The following ABHD3 variants were observed in gnomAD, a reference collection of about 807,000 sequenced individuals.
ABHD3 encodes abhydrolase domain containing 3, phospholipase.
ABHD3 carries 46 observed loss-of-function variants against 48.8 expected under a neutral mutation model. The observed-to-expected ratio is 0.94, with a 90% CI of 0.74 to 1.20. The LOEUF (loss-of-function observed/expected upper bound fraction) is 1.20, where lower values mean the gene tolerates loss of function less well. Ranked by LOEUF, ABHD3 falls within the 50% of genes most tolerant of loss-of-function variation. ABHD3 has a pLI of 0.00. For missense variants in ABHD3, 490 were observed against 497.8 expected, an observed-to-expected ratio of 0.98 and a Z score of 0.15; for synonymous variants, 192 against 183.7, an observed-to-expected ratio of 1.04 and a Z score of -0.36.
At chr18:21,696,031 T>G (rs548469123) in intron 3 of ABHD3, among the ~76,000 whole-genome samples, 1 of 152,282 alleles carries the variant, frequency 6.6e-6, no homozygotes, top group South Asian at 2.1e-4. Context: ...CTCTCGGTTT[T>G]ATTTTTTTAA....
At chr18:21,663,745 G>C in intron 5 of ABHD3, 1 of 1,535,540 alleles carries the variant, frequency 6.5e-7, no homozygotes, top group Non-Finnish European at 8.7e-7. Context: ...TCTGTAACTG[G>C]AGTGATGAAA....
Position 21,674,243 on chromosome 18 carries a change from CT to C in ABHD3, c.555+9676del, listed in dbSNP as rs34344524. ...AAAACATTCTTTCTTTTATTTTGAACTTTTTTTTTTTTTTTTGAGCTAGGTT... is the reference window on the plus strand; with the variant it reads ...AAAACATTCTTTCTTTTATTTTGAACTTTTTTTTTTTTTTTGAGCTAGGTT... On this transcript the variant is annotated intron_variant, in intron 4 of 8. Transcript: ENST00000289119. Among the ~76,000 whole-genome samples, 684 of 141,406 alleles carry C rather than the reference CT, an allele frequency of 4.8e-3. 1 individual carries two copies. The highest frequency in any genetic ancestry group is 4.6e-3 in the Non-Finnish European group (294 of 64,364). 92.8% of individuals were successfully genotyped at this position (141,406 alleles called of 152,430 possible). A position where few individuals can be genotyped will look rare whatever the true frequency, so the allele number is the denominator to read the frequency against.
At chr18:21,674,201 C>T (rs949792945) in intron 4 of ABHD3, among the ~76,000 whole-genome samples, 16 of 151,452 alleles carry the variant, frequency 1.1e-4, no homozygotes, top group African/African-American at 3.9e-4. Context: ...ATTTCTAAAA[C>T]TCTTCCATTA....
chr18:21,657,497 C>T (rs944936371), intron 6 of ABHD3, among the ~76,000 whole-genome samples: 57 of 151,922 alleles, frequency 3.8e-4, no homozygotes, highest in African/African-American at 1.3e-3. Flanking sequence ...CACCACCACA[C>T]CCCACCAATT....
intron 3 of ABHD3, among the ~76,000 whole-genome samples, chr18:21,685,852 C>G (rs532151153): frequency 1.5e-3 from 231 of 152,338 alleles, no homozygotes; most frequent in Non-Finnish European, 2.9e-3. Flanking sequence ...CACGTGCCAC[C>G]ACGCCCGGCT....
At chr18:21,678,984 CTAAGTA>C (rs1568151631) in intron 4 of ABHD3, among the ~76,000 whole-genome samples, 1 of 152,190 alleles carries the variant, frequency 6.6e-6, no homozygotes, top group Non-Finnish European at 1.5e-5. Context: ...TCTATAAATT[CTAAGTA>C]TATCTCTAAC....
At chr18:21,684,164 T>A (rs189759458) in intron 3 of ABHD3, among the ~76,000 whole-genome samples, 199 bp from the exon 4 acceptor site, 15 of 152,218 alleles carry the variant, frequency 9.9e-5, no homozygotes, top group African/African-American at 2.9e-4. Context: ...CACATGTGGG[T>A]TCAAATTAGA....
At chr18:21,661,678 G>GC (rs2039501960) in intron 5 of ABHD3, 1 of 146,658 alleles carries the variant, frequency 6.8e-6, no homozygotes, top group Admixed American at 6.8e-5. Flanking sequence ...AAACTCCACT[G>GC]TTTTTTTTTT....
At chr18:21,657,208 T>C in intron 6 of ABHD3, 56 bp from the exon 7 acceptor site, 1 of 1,487,540 alleles carries the variant, frequency 6.7e-7, no homozygotes, top group Non-Finnish European at 9.0e-7. Context: ...TCCATCATAC[T>C]AAAAGGACTT....
In ABHD3 at chr18:21,693,961, C is replaced by A. The variant is rs2040309781; in HGVS notation, c.509+8355G>T. ...CTCTCCTCCCTCAGGAAGTCTGTAG[C>A]TAGACTCTCCACCCCTGTCCCCCAC... On this transcript the variant is annotated intron_variant, in intron 3 of 8. Coordinates refer to ENST00000289119, the MANE Select transcript of ABHD3 (RefSeq NM_138340.5). Among the ~76,000 whole-genome samples, 3 of 152,140 alleles carry A rather than the reference C, an allele frequency of 2.0e-5. No homozygotes were observed. The South Asian group carries it at 6.2e-4, about 32-fold the overall frequency.
chr18:21,655,778 C>T (rs912479324), intron 8 of ABHD3, among the ~76,000 whole-genome samples: 11 of 145,996 alleles, frequency 7.5e-5, no homozygotes, highest in African/African-American at 1.8e-4. Context: ...AGGCGTGAGC[C>T]GAGATCGTGT....
At chr18:21,663,389 GA>G (rs1401450924) in intron 5 of ABHD3, among the ~76,000 whole-genome samples, 2 of 151,274 alleles carry the variant, frequency 1.3e-5, no homozygotes, top group Admixed American at 1.3e-4. Context: ...ATGGCTTCAG[GA>G]ATCTAAAAGC....
At chr18:21,695,875 C>G (rs1219353553) in intron 3 of ABHD3, among the ~76,000 whole-genome samples, 1 of 152,040 alleles carries the variant, frequency 6.6e-6, no homozygotes, top group African/African-American at 2.4e-5. Context: ...ACTGTATGCT[C>G]TTTGGGAATA....
At chr18:21,668,229 A>G (rs1302424884) in intron 4 of ABHD3, among the ~76,000 whole-genome samples, 2 of 150,572 alleles carry the variant, frequency 1.3e-5, no homozygotes, top group African/African-American at 4.9e-5. Flanking sequence ...AAGAAAGAAA[A>G]AGAAAAGAAA....
At chr18:21,663,667 C>T in intron 5 of ABHD3, 1 of 1,535,166 alleles carries the variant, frequency 6.5e-7, no homozygotes, top group Non-Finnish European at 8.7e-7. Context: ...CAAAACAAAA[C>T]AAAATACCAC....
At chr18:21,660,728 G>T (rs1034246162) in intron 5 of ABHD3, among the ~76,000 whole-genome samples, 3 of 152,132 alleles carry the variant, frequency 2.0e-5, no homozygotes, top group African/African-American at 7.2e-5. Flanking sequence ...ATGGAAAGTG[G>T]ACATTTAGCT....
chr18:21,701,762 G>T (rs983385751), intron 3 of ABHD3: 13 of 152,274 alleles, frequency 8.5e-5, no homozygotes, highest in African/African-American at 2.9e-4. Flanking sequence ...CTTAATAATG[G>T]TTACTCAGAA....
At position 21,704,646 on chromosome 18, in the gene ABHD3, T is replaced by C. The variant is rs927009524; in HGVS notation, c.20A>G (p.Asp7Gly). The C allele has an allele frequency of 3.9e-6, 6 of 1,532,150 alleles. No homozygotes were observed. The highest frequency in any genetic ancestry group is 5.2e-6 in the Non-Finnish European group (6 of 1,143,016). 94.9% of individuals were successfully genotyped at this position (1,532,150 alleles called of 1,614,324 possible). The change falls in exon 1 of 9, where the codon GAC (aspartate) becomes GGC (glycine). Residue 7 changes from aspartate to glycine, a missense_variant. Transcript: ENST00000289119. Reference protein sequence around the residue: MQRLAMDLRMLSRELSL... With the variant: MQRLAMGLRMLSRELSL... ...GAGCTCCCGGGACAACATCCGCAGG[T>C]CCATGGCCAGGCGCTGCATGGCCCC...
In ABHD3 at chr18:21,651,719, C is replaced by A. The variant is rs1462651231; in HGVS notation, c.1102G>T (p.Val368Phe). ...ATATGGCCTCCATAAGAAGTAAGGA[C>A]CAAAGCAACATTAGGATTTTGCTTA... ...TAKQNPNVAL[V>F]LTSYGGHIGF... The change falls in exon 9 of 9, where the codon GTC (valine) becomes TTC (phenylalanine). Residue 368 changes from valine to phenylalanine, a missense_variant. Coordinates refer to ENST00000289119, the MANE Select transcript of ABHD3 (RefSeq NM_138340.5). 2 of 1,600,734 alleles carry A rather than the reference C, an allele frequency of 1.2e-6. No homozygotes were observed. Among genetic ancestry groups the A allele is most frequent in the Admixed American group, 1.7e-5 (1 of 57,670 alleles).
Sources: gnomAD v4.1 joint callset for allele counts (sites outside exome capture counted in the v4.1 genomes callset) on GRCh38, gnomAD v4.1.1 for gene constraint, MANE v1.5 for transcripts, NCBI Gene and HGNC (gene_info 2026-07-23, HGNC 2026-07-21) for gene names.